Variants in LINGO2 observed in about 807,000 individuals in gnomAD.
The protein encoded by LINGO2 is leucine-rich repeat and immunoglobulin-like domain-containing nogo receptor-interacting protein 2.
In LINGO2, 14 loss-of-function variants were observed where a neutral mutation model predicts 30.6. The ratio of observed to expected loss-of-function variants is 0.46; its 90% CI spans 0.30 to 0.72. The LOEUF (loss-of-function observed/expected upper bound fraction) is 0.72, where lower values mean the gene tolerates loss of function less well. Among genes scored for constraint, LINGO2 ranks in the 30% least tolerant of loss-of-function variants. The probability of loss-of-function intolerance (pLI) is 0.07; values close to 1 mark genes in which losing one functional copy is unlikely to be tolerated. For missense variants in LINGO2, 729 were observed against 751.7 expected, an observed-to-expected ratio of 0.97 and a Z score of 0.35; for synonymous variants, 317 against 288.5, an observed-to-expected ratio of 1.10 and a Z score of -1.00.
chr9:28,024,866 G>A (rs956605315), intron 4 of LINGO2, among the ~76,000 whole-genome samples: 2 of 152,064 alleles, frequency 1.3e-5, no homozygotes, highest in African/African-American at 4.8e-5. Flanking sequence ...CTCCCCAGCC[G>A]CGACAATGAA....
rs10968490 is a variant in LINGO2, at chr9:28,314,165, A to G, written c.-245-18799T>C. Among the ~76,000 whole-genome samples, 2,435 of 152,106 alleles carry G rather than the reference A, an allele frequency of 0.016. 148 individuals are homozygous for G. The East Asian group carries it at 0.19, about 12-fold the overall frequency. ...TAGCCAGGATGGTCTCGATCTCCTG[A>G]CCTCGTGATCTGTCCGCCTCGGCCT... On this transcript the variant is annotated intron_variant, in intron 3 of 5. Transcript: ENST00000379992.
In LINGO2 at chr9:28,505,240, A is replaced by AT. The variant is rs534525977; in HGVS notation, c.-364-29216dup. Among the ~76,000 whole-genome samples, 386 of 152,026 alleles carry AT rather than the reference A, an allele frequency of 2.5e-3. 3 individuals carry two copies. The highest frequency in any genetic ancestry group is 4.5e-3 in the Non-Finnish European group (308 of 67,874). ...AAGCATAAAGGGGAAAATATGAGAC[A>AT]TTTTTTCATGGAACAAAGGAGACTC... is the stretch of plus-strand genomic sequence containing the variant. On this transcript the variant is annotated intron_variant, in intron 1 of 5. Coordinates refer to ENST00000379992, the Ensembl canonical transcript of LINGO2.
At chr9:27,952,762 G>A (rs961546417) in intron 5 of LINGO2, among the ~76,000 whole-genome samples, 1 of 151,974 alleles carries the variant, frequency 6.6e-6, no homozygotes, top group African/African-American at 2.4e-5. Flanking sequence ...ATGAATTAAG[G>A]ATTCAAATGT....
the LINGO2 span, among the ~76,000 whole-genome samples, chr9:28,772,938 A>G: frequency 6.6e-6 from 1 of 152,180 alleles, no homozygotes; most frequent in Non-Finnish European, 1.5e-5. Flanking sequence ...TAGAATTCAA[A>G]CCTTTTGATT....
At chr9:29,144,276 C>T in the LINGO2 span, among the ~76,000 whole-genome samples, 35,667 of 151,836 alleles carry the variant, frequency 0.23, 4,311 homozygotes, top group East Asian at 0.4. Flanking sequence ...TTTAAAATAG[C>T]TTTTTTAAAA....
chr9:29,138,252 C>G, the LINGO2 span, among the ~76,000 whole-genome samples: 1 of 151,996 alleles, frequency 6.6e-6, no homozygotes, highest in African/African-American at 2.4e-5. Context: ...ATAAATCTGC[C>G]TAAATTACAC....
chr9:28,518,974 T>C (rs1392056932), intron 1 of LINGO2, among the ~76,000 whole-genome samples: 1 of 152,180 alleles, frequency 6.6e-6, no homozygotes, highest in African/African-American at 2.4e-5. Context: ...TATAAATACT[T>C]GCCTTTTTAA....
intron 5 of LINGO2, among the ~76,000 whole-genome samples, chr9:28,001,705 A>G (rs1324995739): frequency 1.2e-5 from 1 of 81,860 alleles, no homozygotes; most frequent in Non-Finnish European, 3.4e-5. Flanking sequence ...GGCAGAAAGG[A>G]AAAAAAAAGC....
chr9:28,734,561 T>C, the LINGO2 span, among the ~76,000 whole-genome samples: 2 of 152,160 alleles, frequency 1.3e-5, no homozygotes, highest in Non-Finnish European at 2.9e-5. Flanking sequence ...CCCAAGGTCA[T>C]ACAGCTGCTA....
chr9:29,179,197 A>G, the LINGO2 span, among the ~76,000 whole-genome samples: 2 of 80,498 alleles, frequency 2.5e-5, no homozygotes, highest in East Asian at 8.6e-4. Context: ...ATATATATAT[A>G]TATATGTTTC....
the LINGO2 span, among the ~76,000 whole-genome samples, chr9:29,033,554 T>TG: frequency 6.6e-6 from 1 of 151,868 alleles, no homozygotes; most frequent in Non-Finnish European, 1.5e-5. Flanking sequence ...TGAAAATATA[T>TG]GGGTTTAATT....
At chr9:28,844,145 T>C in the LINGO2 span, among the ~76,000 whole-genome samples, 66 of 151,892 alleles carry the variant, frequency 4.3e-4, no homozygotes, top group South Asian at 2.1e-4. Context: ...GTGGATCACC[T>C]GAGATCAGGA....
rs1329448310 is a variant in LINGO2, at chr9:28,103,621, TCCAACAGC to T, written c.-86-91224_-86-91217del. Among the ~76,000 whole-genome samples, 4 of 152,142 alleles carry T rather than the reference TCCAACAGC, an allele frequency of 2.6e-5. No individual in the cohort carries two copies. In the East Asian group the frequency reaches 5.8e-4, roughly 22 times the overall value. ...AGCTTACCTCAGCCACATAAGTGAG[TCCAACAGC>T]CCAGCAGAACTATTTAGCTTAGCCT... On this transcript the variant is annotated intron_variant, in intron 4 of 5. Coordinates refer to ENST00000379992, the Ensembl canonical transcript of LINGO2.
At chr9:28,929,102 T>C in the LINGO2 span, among the ~76,000 whole-genome samples, 2 of 152,202 alleles carry the variant, frequency 1.3e-5, no homozygotes, top group Non-Finnish European at 2.9e-5. Context: ...AGATGATATT[T>C]TGAGATATTT....
intron 5 of LINGO2, among the ~76,000 whole-genome samples, chr9:27,960,239 A>T (rs28414259): frequency 0.075 from 11,352 of 152,144 alleles, 1,427 homozygotes; most frequent in African/African-American, 0.26. Flanking sequence ...GCTAGTCTAA[A>T]TTGTTGAGAA....
At chr9:28,556,551 C>T (rs370198355) in intron 1 of LINGO2, among the ~76,000 whole-genome samples, 4 of 152,034 alleles carry the variant, frequency 2.6e-5, no homozygotes, top group Non-Finnish European at 5.9e-5. Context: ...GAATCAATAT[C>T]GTGAAAATGG....
chr9:28,201,677 C>T (rs10968385), intron 4 of LINGO2, among the ~76,000 whole-genome samples: 123,995 of 151,292 alleles, frequency 0.82, 51,557 homozygotes, highest in Non-Finnish European at 0.89. Context: ...ATGGTTGAAC[C>T]AGTTTACAGT....
At chr9:28,456,622 C>A (rs948894556) in intron 2 of LINGO2, among the ~76,000 whole-genome samples, 1 of 152,136 alleles carries the variant, frequency 6.6e-6, no homozygotes, top group Non-Finnish European at 1.5e-5. Context: ...GTAGTCTACC[C>A]ATTTGAACCA....
chr9:28,327,384 C>T (rs1011676284), intron 3 of LINGO2, among the ~76,000 whole-genome samples: 1 of 152,126 alleles, frequency 6.6e-6, no homozygotes, highest in Non-Finnish European at 1.5e-5. Flanking sequence ...TAGGAATAAG[C>T]TCAAGAACCA....
Sources: allele counts gnomAD v4.1 joint callset (sites outside exome capture counted in the v4.1 genomes callset), GRCh38; gene constraint gnomAD v4.1.1; transcripts MANE v1.5; gene names NCBI Gene and HGNC (gene_info 2026-07-23, HGNC 2026-07-21).